Variants in DOCK10 observed in about 807,000 individuals in gnomAD.
DOCK10 encodes the protein dedicator of cytokinesis 10, also known as dedicator of cytokinesis protein 10.
Under a neutral mutation model 280.1 loss-of-function variants are expected in DOCK10, and 145 were observed. The observed-to-expected ratio is 0.52, with a 90% CI of 0.45 to 0.59. DOCK10 has a LOEUF of 0.59. DOCK10 is among the 20% of genes least tolerant of loss of function. DOCK10 has a pLI of 0.00. For synonymous variants in DOCK10, 915 were observed against 942.2 expected (o/e 0.97, Z 0.53); for missense variants, 2,368 against 2,651.7 (o/e 0.89, Z 2.35).
intron 1 of DOCK10, among the ~76,000 whole-genome samples, chr2:225,038,048 A>T (rs1346212212): frequency 6.6e-6 from 1 of 152,120 alleles, no homozygotes; most frequent in Admixed American, 6.5e-5. Flanking sequence ...AACCATAAAC[A>T]CCCTTGTCAT....
At chr2:224,812,631 G>C (rs1693856522) in intron 31 of DOCK10, among the ~76,000 whole-genome samples, 1 of 152,126 alleles carries the variant, frequency 6.6e-6, no homozygotes, top group African/African-American at 2.4e-5. Context: ...GTTTGTCATA[G>C]TTAGCTCTTA....
chr2:224,945,801 C>T (rs2126098573), intron 1 of DOCK10, among the ~76,000 whole-genome samples: 1 of 152,220 alleles, frequency 6.6e-6, no homozygotes, highest in East Asian at 1.9e-4. Flanking sequence ...AGTGATCACC[C>T]TCCCGGAGAC....
At chr2:225,003,678 G>T (rs976654923) in intron 1 of DOCK10, among the ~76,000 whole-genome samples, 3 of 152,138 alleles carry the variant, frequency 2.0e-5, no homozygotes, top group Non-Finnish European at 4.4e-5. Flanking sequence ...ATTTTACAAG[G>T]TAACATTGTT....
chr2:224,893,619 A>C, intron 4 of DOCK10: 1 of 452,428 alleles, frequency 2.2e-6, no homozygotes, highest in Admixed American at 2.6e-5. Context: ...GCCTGAAGTC[A>C]TCTATTTCTT....
chr2:224,812,714 C>T (rs1693862249), intron 31 of DOCK10, among the ~76,000 whole-genome samples: 1 of 152,110 alleles, frequency 6.6e-6, no homozygotes, highest in African/African-American at 2.4e-5. Flanking sequence ...TGAATTTTGT[C>T]AAAGGCCTTT....
chr2:225,040,513 C>CGTGTGTGT (rs34574873), intron 1 of DOCK10, among the ~76,000 whole-genome samples: 265 of 147,476 alleles, frequency 1.8e-3, no homozygotes, highest in African/African-American at 3.5e-3. Context: ...GAAAGCAGTG[C>CGTGTGTGT]GTGTGTGTGT....
intron 7 of DOCK10, 47 bp from the exon 8 acceptor site, chr2:224,876,268 G>C: frequency 4.1e-6 from 6 of 1,469,372 alleles, no homozygotes; most frequent in Non-Finnish European, 5.5e-6. Flanking sequence ...CAAAAAATAA[G>C]CCTTCGAGAG....
intron 1 of DOCK10, among the ~76,000 whole-genome samples, chr2:224,942,548 C>A (rs1444006877): frequency 1.3e-5 from 2 of 152,172 alleles, no homozygotes; most frequent in African/African-American, 4.8e-5. Context: ...AAATAAGCAA[C>A]GCCCTATGAA....
intron 18 of DOCK10, among the ~76,000 whole-genome samples, chr2:224,850,745 A>G (rs6436514): frequency 0.19 from 28,788 of 152,030 alleles, 4,331 homozygotes; most frequent in African/African-American, 0.42. Flanking sequence ...ATTCTCAAGC[A>G]ATCTGATAGT....
intron 1 of DOCK10, among the ~76,000 whole-genome samples, chr2:224,986,286 C>G (rs1410491405): frequency 3.9e-5 from 6 of 152,168 alleles, no homozygotes; most frequent in Admixed American, 3.9e-4. Flanking sequence ...CTAACAAAAT[C>G]AGCCTCAAGG....
At chr2:224,812,668 C>T (rs1397271568) in intron 31 of DOCK10, among the ~76,000 whole-genome samples, 1 of 152,100 alleles carries the variant, frequency 6.6e-6, no homozygotes, top group Non-Finnish European at 1.5e-5. Context: ...CCCATCAATA[C>T]CTAATTTATT....
chr2:224,944,608 T>C (rs1173232129), intron 1 of DOCK10, among the ~76,000 whole-genome samples: 2 of 152,334 alleles, frequency 1.3e-5, no homozygotes, highest in South Asian at 2.1e-4. Context: ...CCCAAGGTCA[T>C]ATAGATGGCA....
chr2:224,814,403 A>T, intron 30 of DOCK10, 39 bp from the exon 31 acceptor site: 1 of 1,146,896 alleles, frequency 8.7e-7, no homozygotes, highest in Middle Eastern at 2.9e-4. Context: ...ATATATACAT[A>T]TACATACTCA....
intron 11 of DOCK10, 68 bp from the exon 12 acceptor site, chr2:224,865,155 A>G (rs1697822010): frequency 1.4e-6 from 2 of 1,423,442 alleles, no homozygotes; most frequent in Non-Finnish European, 1.9e-6. Flanking sequence ...CCTCGTTAGT[A>G]CATCATTTAA....
chr2:224,849,634 T>C (rs772317112), intron 18 of DOCK10, 35 bp from the exon 19 acceptor site: 115 of 1,415,982 alleles, frequency 8.1e-5, no homozygotes, highest in Non-Finnish European at 1.0e-4. Context: ...CAATTATGAG[T>C]GTCTGAAATT....
chr2:224,886,545 A>G lies in DOCK10; in HGVS notation c.417-14T>C. On this transcript the variant is annotated splice_polypyrimidine_tract_variant and intron_variant, in intron 4 of 55. Coordinates refer to ENST00000258390, the MANE Select transcript of DOCK10 (RefSeq NM_014689.3). ...TTGTATTCTGCTCTGATATTAAAAA[A>G]AAAAAAAGATTCTGATTTGTCATTG... The G allele has an allele frequency of 1.3e-6, 2 of 1,588,592 alleles. No homozygotes were observed. The highest frequency in any genetic ancestry group is 1.7e-6 in the Non-Finnish European group (2 of 1,172,796).
intron 51 of DOCK10, among the ~76,000 whole-genome samples, chr2:224,777,123 A>G (rs1690927543): frequency 6.6e-6 from 1 of 152,238 alleles, no homozygotes; most frequent in African/African-American, 2.4e-5. Context: ...ACAGTGTGTA[A>G]GAAGATGCTG....
At chr2:225,032,409 C>T (rs888024307) in intron 1 of DOCK10, among the ~76,000 whole-genome samples, 5 of 152,160 alleles carry the variant, frequency 3.3e-5, no homozygotes, top group Admixed American at 1.3e-4. Flanking sequence ...CTGAAGGCAT[C>T]TTATCTCTGC....
intron 1 of DOCK10, among the ~76,000 whole-genome samples, chr2:224,965,468 CCTT>C (rs1378576447): frequency 6.6e-6 from 1 of 152,172 alleles, no homozygotes; most frequent in Non-Finnish European, 1.5e-5. Flanking sequence ...ATGATACAAT[CCTT>C]CTTGGGTGGA....
Sources: allele counts gnomAD v4.1 joint callset (sites outside exome capture counted in the v4.1 genomes callset), GRCh38; gene constraint gnomAD v4.1.1; transcripts MANE v1.5; gene names NCBI Gene and HGNC (gene_info 2026-07-23, HGNC 2026-07-21).